C7: variants seen among roughly 807,000 people sequenced by gnomAD.
C7 encodes complement component C7.
In C7, 83 loss-of-function variants were observed where a neutral mutation model predicts 104.8. The ratio of observed to expected loss-of-function variants is 0.79; its 90% CI spans 0.66 to 0.95. The LOEUF (loss-of-function observed/expected upper bound fraction) is 0.95. Ranked by LOEUF, C7 falls within the 40% of genes least tolerant of loss-of-function variation. The pLI is 0.00. For missense variants in C7, 1,070 were observed against 1,011.2 expected (o/e 1.06, Z -0.79); for synonymous variants, 415 against 360.6 (o/e 1.15, Z -1.71).
intron 9 of C7, among the ~76,000 whole-genome samples, chr5:40,954,080 C>T (rs1287537904): frequency 6.6e-6 from 1 of 152,086 alleles, no homozygotes; most frequent in Non-Finnish European, 1.5e-5. Context: ...AATTATGAGG[C>T]ACATAAATGG....
chr5:40,976,787 C>G lies in C7; in HGVS notation c.2112C>G (p.Arg704=), dbSNP rs764456730. The part of the protein sequence containing the change: ...PLTQAVPKCQ[R]WEKLQNSRCV... Reference sequence around the variant, plus strand: ...CACAGGCAGTGCCTAAATGTCAGCGCTGGGAGAAACTGCAGAATTCAAGAT... The same window carrying G: ...CACAGGCAGTGCCTAAATGTCAGCGGTGGGAGAAACTGCAGAATTCAAGAT... Residue 704 remains arginine (R), a synonymous_variant, in exon 16 of 18, where the codon CGC becomes CGG. Coordinates refer to ENST00000313164, the MANE Select transcript of C7 (RefSeq NM_000587.4). 1 of 1,606,548 alleles carries G rather than the reference C, an allele frequency of 6.2e-7. No homozygotes were observed. Among genetic ancestry groups the G allele is most frequent in the Non-Finnish European group, 8.5e-7 (1 of 1,176,240 alleles).
At chr5:40,964,683 GT>G in intron 13 of C7, 57 bp from the exon 14 acceptor site, 1 of 1,482,966 alleles carries the variant, frequency 6.7e-7, no homozygotes, top group Non-Finnish European at 9.4e-7. Context: ...GTAAAGAAAC[GT>G]TTTGTTAATG....
intron 1 of C7, 27 bp downstream of exon 1, chr5:40,909,643 T>TA: frequency 6.7e-7 from 1 of 1,489,914 alleles, no homozygotes; most frequent in Non-Finnish European, 9.2e-7. Context: ...ATTACTTTTG[T>TA]AAATGAAGCT....
intron 1 of C7, among the ~76,000 whole-genome samples, chr5:40,910,720 T>C (rs936219407): frequency 6.8e-6 from 1 of 147,872 alleles, no homozygotes; most frequent in African/African-American, 2.5e-5. Context: ...AAATATTGGG[T>C]ACTCATGGGC....
intron 15 of C7, 76 bp downstream of exon 15, chr5:40,972,670 C>T (rs1281610329): frequency 3.5e-6 from 4 of 1,158,946 alleles, no homozygotes; most frequent in Non-Finnish European, 4.9e-6. Flanking sequence ...CTTCATGGTA[C>T]TGTATCACCA....
intron 1 of C7, among the ~76,000 whole-genome samples, chr5:40,926,796 A>G (rs1739563218): frequency 6.6e-6 from 1 of 152,192 alleles, no homozygotes; most frequent in Admixed American, 6.5e-5. Context: ...ATGGATTAGA[A>G]GAAAATATTG....
At position 40,983,977 on chromosome 5, in the gene C7, G is replaced by A. The variant is rs1741008974; in HGVS notation, c.*2404G>A. ...GACAAAGAGAAGGAAATTGGCTGGT[G>A]CATTAATCATCACTAGCTTCAGGGA... On this transcript the variant is annotated 3_prime_UTR_variant, in exon 18 of 18. Coordinates refer to ENST00000313164, the MANE Select transcript of C7 (RefSeq NM_000587.4). 6.6e-6 allele frequency among the ~76,000 whole-genome samples: 1 copy of A among 152,226 alleles called. No individual in the cohort carries two copies. Among genetic ancestry groups the A allele is most frequent in the Non-Finnish European group, 1.5e-5 (1 of 68,008 alleles).
chr5:40,940,897 C>A (rs1739920969), intron 6 of C7, among the ~76,000 whole-genome samples: 1 of 152,044 alleles, frequency 6.6e-6, no homozygotes, highest in Non-Finnish European at 1.5e-5. Flanking sequence ...CTCCAAACCC[C>A]CTCAGAGCAG....
At chr5:40,957,186 C>A (rs1484924551) in intron 10 of C7, among the ~76,000 whole-genome samples, 1 of 152,236 alleles carries the variant, frequency 6.6e-6, no homozygotes, top group Admixed American at 6.5e-5. Context: ...ACTGCAGAAA[C>A]TGGCAAATGC....
intron 15 of C7, among the ~76,000 whole-genome samples, chr5:40,974,711 CCCGGCTTGACA>C (rs1227648059): frequency 1.3e-5 from 2 of 152,138 alleles, no homozygotes; most frequent in Admixed American, 1.3e-4. Context: ...AGCCACTGCG[CCCGGCTTGACA>C]TTATAATAGT....
intron 1 of C7, among the ~76,000 whole-genome samples, chr5:40,926,848 C>T (rs116319413): frequency 0.018 from 2,663 of 151,390 alleles, 84 homozygotes; most frequent in African/African-American, 0.063. Flanking sequence ...AGTTTTAATG[C>T]AATCTTTATC....
chr5:40,932,247 A>C (rs1170791730), intron 3 of C7, among the ~76,000 whole-genome samples: 1 of 152,186 alleles, frequency 6.6e-6, no homozygotes, highest in African/African-American at 2.4e-5. Context: ...ATTATGTTCC[A>C]TGATATGAAT....
chr5:40,984,240 A>C lies in C7; in HGVS notation c.*2667A>C, dbSNP rs1579884938. ...ATGTAACCTTCTTTCCCAGTGCAGG[A>C]TGACTTGTAATCACCTTGAAAGAGA... On this transcript the variant is annotated 3_prime_UTR_variant, in exon 18 of 18. Transcript: ENST00000313164. Among the ~76,000 whole-genome samples, 1 of 152,194 alleles carries C rather than the reference A, an allele frequency of 6.6e-6. No individual in the cohort carries two copies. Among genetic ancestry groups the C allele is most frequent in the East Asian group, 1.9e-4 (1 of 5,190 alleles).
rs752723275 is a variant in C7, at chr5:40,947,610, A to G, written c.747A>G (p.Gln249=). 6.8e-6 allele frequency: 11 copies of G among 1,613,110 alleles called. No individual in the cohort carries two copies. Among genetic ancestry groups the G allele is most frequent in the Non-Finnish European group, 9.3e-6 (11 of 1,179,596 alleles). The change falls in exon 8 of 18, where the codon CAA becomes CAG. Residue 249 remains glutamine, a synonymous_variant. Transcript: ENST00000313164. ...CTTTCTTCTTTCCACAGAGTTACCA[A>G]CTGCTGGTTGTTGAGAACACTGTTG... ...TNEIHKGKSY[Q]LLVVENTVEV...
At chr5:40,964,117 A>T (rs770848281) in intron 13 of C7, among the ~76,000 whole-genome samples, 6 of 132,626 alleles carry the variant, frequency 4.5e-5, no homozygotes, top group Non-Finnish European at 6.1e-5. Flanking sequence ...ATCTCGCCTC[A>T]CTGCAACCTC....
chr5:40,975,365 G>T (rs2218812), intron 15 of C7, among the ~76,000 whole-genome samples: 26,595 of 73,218 alleles, frequency 0.36, 3,090 homozygotes, highest in African/African-American at 0.51. Context: ...AGAGAAGTGT[G>T]CTTTTTTTTT....
chr5:40,943,110 A>G (rs926901921), intron 6 of C7, among the ~76,000 whole-genome samples: 1 of 152,236 alleles, frequency 6.6e-6, no homozygotes, highest in Non-Finnish European at 1.5e-5. Context: ...ACATGATAGC[A>G]GGTCATCTAG....
chr5:40,922,245 C>T (rs939460337), intron 1 of C7, among the ~76,000 whole-genome samples: 37 of 150,970 alleles, frequency 2.5e-4, no homozygotes, highest in African/African-American at 8.5e-4. Flanking sequence ...TATGGTGGCA[C>T]ACACCTGTAG....
rs1297415858 is a variant in C7 at position 40,959,579 on chromosome 5, AGAAAGCACACAATGC to A, written c.1624_1638del (p.Ser542_Glu546del). 2 of 1,608,678 alleles carry A rather than the reference AGAAAGCACACAATGC, an allele frequency of 1.2e-6. No individual in the cohort carries two copies. Among genetic ancestry groups the A allele is most frequent in the Non-Finnish European group, 1.7e-6 (2 of 1,178,302 alleles). ...GGAGATCCTGCGTTGGAGAAACGAC[AGAAAGCACACAATGC>A]GAAGATGAGGAGCTGGAGCACTTGA... On this transcript the variant is annotated inframe_deletion, in exon 12 of 18. Transcript: ENST00000313164.
Sources: allele counts gnomAD v4.1 joint callset (sites outside exome capture counted in the v4.1 genomes callset), GRCh38; gene constraint gnomAD v4.1.1; transcripts MANE v1.5; gene names NCBI Gene and HGNC (gene_info 2026-07-23, HGNC 2026-07-21).